The following PHLPP2 variants were observed in gnomAD, a reference collection of about 807,000 sequenced individuals.
PHLPP2 encodes the protein PH domain leucine-rich repeat-containing protein phosphatase 2.
Under a neutral mutation model 124.9 loss-of-function variants are expected in PHLPP2, and 66 were observed. That is an observed-to-expected ratio of 0.53 (90% CI 0.43 to 0.65). The LOEUF (loss-of-function observed/expected upper bound fraction) is 0.65. Ranked by LOEUF, PHLPP2 falls within the 30% of genes least tolerant of loss-of-function variation. The pLI is 0.00. For missense variants in PHLPP2, 1,685 were observed against 1,600.4 expected (o/e 1.05, Z -0.90); for synonymous variants, 681 against 624.7 (o/e 1.09, Z -1.34).
intron 3 of PHLPP2, chr16:71,698,555 T>C (rs1357197390): frequency 4.5e-6 from 3 of 663,364 alleles, no homozygotes; most frequent in Admixed American, 1.8e-5. Flanking sequence ...GACATGAACA[T>C]CCATCTGAAA....
chr16:71,703,884 A>T (rs1355231447), intron 2 of PHLPP2, among the ~76,000 whole-genome samples: 1 of 152,228 alleles, frequency 6.6e-6, no homozygotes, highest in Non-Finnish European at 1.5e-5. Flanking sequence ...TATTCTAAAA[A>T]ATTTTAAGAT....
At position 71,678,927 on chromosome 16, in the gene PHLPP2, T is replaced by G. The variant is rs149979271; in HGVS notation, c.1096A>C (p.Asn366His). 1 of 1,613,424 alleles carries G rather than the reference T, an allele frequency of 6.2e-7. No individual in the cohort carries two copies. The highest frequency in any genetic ancestry group is 8.5e-7 in the Non-Finnish European group (1 of 1,179,464). The part of the protein sequence containing the change: ...FLTTLPEELG[N>H]LQQLSSLGIS... ...CCCAAGGAGGAAAGCTGTTGTAGAT[T>G]TCCCAATTCTTCAGGTAAAGTAGTC... is the stretch of plus-strand genomic sequence containing the variant. The change falls in exon 8 of 19, where the codon AAT becomes CAT. Residue 366 changes from asparagine (N) to histidine (H), a missense_variant. Transcript: ENST00000568954.
Position 71,645,035 on chromosome 16 carries a change from T to TA in PHLPP2, c.*3854dup, listed in dbSNP as rs2145295359. The TA allele has an allele frequency of 3.6e-6, 1 of 275,968 alleles. No individual in the cohort carries two copies. Among genetic ancestry groups the TA allele is most frequent in the East Asian group, 1.1e-4 (1 of 9,394 alleles). The allele number at this position is 275,968 out of a possible 1,614,324, so 17.1% of individuals were successfully genotyped here. ...CATGCTCTGGCTCATATTATTGAAT[T>TA]AAAAAATTTAACACATTTCAAAAAT... On this transcript the variant is annotated 3_prime_UTR_variant, in exon 19 of 19. Coordinates refer to ENST00000568954, the MANE Select transcript of PHLPP2 (RefSeq NM_015020.3).
chr16:71,666,386 C>T (rs2044840270), intron 12 of PHLPP2, among the ~76,000 whole-genome samples: 1 of 151,906 alleles, frequency 6.6e-6, no homozygotes, highest in South Asian at 2.1e-4. Context: ...GGTGGTGCAT[C>T]CCTGTGGTCC....
chr16:71,723,951 C>T, intron 1 of PHLPP2: 2 of 381,534 alleles, frequency 5.2e-6, no homozygotes, highest in Non-Finnish European at 7.3e-6. Flanking sequence ...CCGGTGGCCC[C>T]GCCCCCCGCG....
At chr16:71,667,036 T>A (rs1038493586) in intron 12 of PHLPP2, 142 bp downstream of exon 12, 1 of 572,444 alleles carries the variant, frequency 1.7e-6, no homozygotes, top group East Asian at 2.9e-5. Context: ...TTCATAAAAA[T>A]TGCAAATAAG....
chr16:71,685,310 G>C (rs1014672164), intron 4 of PHLPP2, among the ~76,000 whole-genome samples: 1 of 152,198 alleles, frequency 6.6e-6, no homozygotes, highest in Non-Finnish European at 1.5e-5. Context: ...CCAGGCGACA[G>C]TGCGAGACTC....
Position 71,678,855 on chromosome 16 carries a change from G to A in PHLPP2, c.1168C>T (p.Leu390Phe), listed in dbSNP as rs2044971415. The A allele has an allele frequency of 1.2e-6, 2 of 1,612,126 alleles. No homozygotes were observed. Among genetic ancestry groups the A allele is most frequent in the Non-Finnish European group, 1.7e-6 (2 of 1,178,228 alleles). ...FSQIPEVYEK[L>F]TMLDRVVMAG... Reference sequence around the variant, plus strand: ...ATAACCACTCTATCTAACATAGTGAGTTTCTCATAAACCTCAGGAATTTGA... The same window carrying A: ...ATAACCACTCTATCTAACATAGTGAATTTCTCATAAACCTCAGGAATTTGA... The change falls in exon 8 of 19, where the codon CTC becomes TTC. Residue 390 changes from leucine to phenylalanine, a missense_variant. Transcript: ENST00000568954.
At chr16:71,707,064 C>T (rs375604786) in intron 2 of PHLPP2, among the ~76,000 whole-genome samples, 2 of 149,140 alleles carry the variant, frequency 1.3e-5, no homozygotes, top group East Asian at 4.0e-4. Context: ...ACGCCATTCT[C>T]CTGCCTCAGC....
intron 10 of PHLPP2, among the ~76,000 whole-genome samples, chr16:71,671,947 C>A (rs2044897450): frequency 2.0e-5 from 3 of 152,090 alleles, no homozygotes; most frequent in African/African-American, 7.2e-5. Flanking sequence ...ATCTAAAAAT[C>A]AAGAATTATC....
rs1441479783 is a variant in PHLPP2, at chr16:71,698,448, T to C, written c.418+4150A>G. The stretch of plus-strand genomic sequence containing the variant: ...GCTTGGTGCAGATGGACATGGTAAC[T>C]TGGCCAATGTGAACCTCGGCCACAG... On this transcript the variant is annotated intron_variant, in intron 3 of 18. Coordinates refer to ENST00000568954, the MANE Select transcript of PHLPP2 (RefSeq NM_015020.3). 5.4e-6 allele frequency: 4 copies of C among 743,052 alleles called. 1 individual carries two copies. In the South Asian group the frequency reaches 5.4e-5, roughly 10 times the overall value. The allele number at this position is 743,052 out of a possible 1,614,324, so 46.0% of individuals were successfully genotyped here.
intron 4 of PHLPP2, among the ~76,000 whole-genome samples, chr16:71,688,974 T>A (rs945340781): frequency 3.3e-5 from 5 of 152,222 alleles, no homozygotes; most frequent in Non-Finnish European, 1.5e-5. Context: ...CAGTGCTTAA[T>A]GGCAGTTATT....
intron 12 of PHLPP2, among the ~76,000 whole-genome samples, chr16:71,664,486 C>T (rs570811501): frequency 2.6e-5 from 4 of 152,312 alleles, no homozygotes; most frequent in Non-Finnish European, 4.4e-5. Context: ...CAGTGGCTCA[C>T]GCCTATAATC....
At chr16:71,690,408 C>T (rs1359225364) in intron 4 of PHLPP2, 111 bp downstream of exon 4, 1 of 746,830 alleles carries the variant, frequency 1.3e-6, no homozygotes, top group African/African-American at 1.8e-5. Flanking sequence ...TTTAATAATG[C>T]CCATACTGGC....
At chr16:71,657,682 C>G (rs1016924113) in intron 15 of PHLPP2, among the ~76,000 whole-genome samples, 8 of 152,180 alleles carry the variant, frequency 5.3e-5, no homozygotes, top group Non-Finnish European at 1.2e-4. Context: ...GCGTGAGCCA[C>G]CGCACACGGC....
rs150749372 is a variant in PHLPP2, at chr16:71,649,839, G to A, written c.3023C>T (p.Ala1008Val). The change falls in exon 19 of 19, where the codon GCA becomes GTA. Residue 1008 changes from alanine to valine, a missense_variant. Coordinates refer to ENST00000568954, the MANE Select transcript of PHLPP2 (RefSeq NM_015020.3). Reference protein sequence around the residue: ...NAVRHVQDPLAAAKKLCTLAQ... With the variant: ...NAVRHVQDPLVAAKKLCTLAQ... ...TAATGTGCACAGCTTCTTAGCAGCT[G>A]CTAATGGGTCTTGTACGTGACGTAC... The A allele has an allele frequency of 1.5e-5, 25 of 1,614,080 alleles. No individual in the cohort carries two copies. Among genetic ancestry groups the A allele is most frequent in the Non-Finnish European group, 2.0e-5 (24 of 1,180,014 alleles).
At position 71,644,940 on chromosome 16, in the gene PHLPP2, T is replaced by C. The variant is rs539460193; in HGVS notation, c.*3950A>G. The stretch of plus-strand genomic sequence containing the variant: ...AGCACTCCATTTTAAAACAAAGCCA[T>C]GAAAAAGATTCCACTTTATTTTATT... On this transcript the variant is annotated 3_prime_UTR_variant, in exon 19 of 19. Coordinates refer to ENST00000568954, the MANE Select transcript of PHLPP2 (RefSeq NM_015020.3). 3.1e-6 allele frequency: 1 copy of C among 322,220 alleles called. No individual in the cohort carries two copies. Among genetic ancestry groups the C allele is most frequent in the Admixed American group, 4.6e-5 (1 of 21,682 alleles). 20.0% of individuals were successfully genotyped at this position (322,220 alleles called of 1,614,324 possible). A position where few individuals can be genotyped will look rare whatever the true frequency, so the allele number is the denominator to read the frequency against.
At chr16:71,719,969 T>TTA (rs1160719998) in intron 1 of PHLPP2, among the ~76,000 whole-genome samples, 4 of 120,706 alleles carry the variant, frequency 3.3e-5, no homozygotes, top group Non-Finnish European at 6.8e-5. Flanking sequence ...AGCTAATTTT[T>TTA]TTTTTTTTTT....
chr16:71,662,175 T>TA (rs1480850476), intron 13 of PHLPP2, among the ~76,000 whole-genome samples: 1 of 149,910 alleles, frequency 6.7e-6, no homozygotes, highest in Non-Finnish European at 1.5e-5. Flanking sequence ...CTCACACCTG[T>TA]AATCCCAGTA....
Sources: gnomAD v4.1 joint callset for allele counts (sites outside exome capture counted in the v4.1 genomes callset) on GRCh38, gnomAD v4.1.1 for gene constraint, MANE v1.5 for transcripts, NCBI Gene and HGNC (gene_info 2026-07-23, HGNC 2026-07-21) for gene names.